Variants in TOPORS observed in about 807,000 individuals in gnomAD.
TOPORS encodes the protein TOP1 binding arginine/serine rich protein, E3 ubiquitin ligase, also known as E3 ubiquitin-protein ligase Topors.
A neutral mutation model predicts 81.4 loss-of-function variants in TOPORS; 25 were observed. The ratio of observed to expected loss-of-function variants is 0.31; its 90% CI spans 0.22 to 0.43. The LOEUF (loss-of-function observed/expected upper bound fraction) is 0.43. TOPORS is among the 20% of genes least tolerant of loss of function. TOPORS has a pLI of 1.00. For synonymous variants in TOPORS, 473 were observed against 456.6 expected (o/e 1.04, Z -0.46); for missense variants, 1,101 against 1,267.0 (o/e 0.87, Z 1.99).
Position 32,541,323 on chromosome 9 carries a change from A to G in TOPORS, c.*64T>C. ...ATGTCATCTTTAAATAGACTGCAGT[A>G]GACGACATTCTTCCTTTTTCCTTTT... On this transcript the variant is annotated 3_prime_UTR_variant, in exon 3 of 3. Transcript: ENST00000360538. The G allele has an allele frequency of 1.3e-6, 2 of 1,519,680 alleles. No individual in the cohort carries two copies. Among genetic ancestry groups the G allele is most frequent in the African/African-American group, 2.7e-5 (2 of 73,030 alleles). 94.1% of individuals were successfully genotyped at this position (1,519,680 alleles called of 1,614,324 possible).
At chr9:32,546,127 G>A (rs947244263) in intron 2 of TOPORS, among the ~76,000 whole-genome samples, 9 of 152,202 alleles carry the variant, frequency 5.9e-5, no homozygotes, top group African/African-American at 2.2e-4. Context: ...TCTATTTACT[G>A]GACTGAAAAT....
rs541968848 is a variant in TOPORS, at chr9:32,547,797, C to T, written c.198+2977G>A. On this transcript the variant is annotated intron_variant, in intron 2 of 2. Transcript: ENST00000360538. ...TACTAAAAAATCATTGACCTACAAA[C>T]TTTAAACGGGTGAACTTTATGGATG... Among the ~76,000 whole-genome samples the T allele has an allele frequency of 3.3e-5, 5 of 152,144 alleles. No individual in the cohort carries two copies. The East Asian group carries it at 7.7e-4, about 24-fold the overall frequency.
chr9:32,546,938 T>A lies in TOPORS; in HGVS notation c.199-2612A>T, dbSNP rs898937384. ...CTGTAGTCCCAGCTACTCAGGAGGC[T>A]GAGGCAGGAGGATTAACTGAGCCTG... On this transcript the variant is annotated intron_variant, in intron 2 of 2. Transcript: ENST00000360538. 4.7e-4 allele frequency among the ~76,000 whole-genome samples: 72 copies of A among 152,354 alleles called. 1 individual carries two copies. The highest frequency in any genetic ancestry group is 1.6e-3 in the African/African-American group (67 of 41,592).
At chr9:32,547,390 A>G (rs1821154182) in intron 2 of TOPORS, among the ~76,000 whole-genome samples, 1 of 152,254 alleles carries the variant, frequency 6.6e-6, no homozygotes, top group Non-Finnish European at 1.5e-5. Context: ...CCACACAAAA[A>G]AACTGTATAT....
intron 1 of TOPORS, 46 bp from the exon 2 acceptor site, chr9:32,551,014 C>T: frequency 1.3e-6 from 2 of 1,596,982 alleles, no homozygotes; most frequent in Non-Finnish European, 8.5e-7. Flanking sequence ...GGAAGCAGGG[C>T]AGAGAGCGAG....
rs144925867 is a variant in TOPORS at position 32,542,353 on chromosome 9, A to T, written c.2172T>A (p.Thr724=). 1.9e-6 allele frequency: 3 copies of T among 1,614,022 alleles called. No homozygotes were observed. In the African/African-American group the frequency reaches 4.0e-5, roughly 22 times the overall value. The change falls in exon 3 of 3, where the codon ACT becomes ACA. Residue 724 remains threonine (T), a synonymous_variant. Transcript: ENST00000360538. ...GTCTAGAATAATGAGCTCTGGACAG[A>T]GTCCTCCTCCTGTAAGATGATTCGT... The part of the protein sequence containing the change: ...DGYESSYRRR[T]LSRAHYSRQS...
At chr9:32,551,131 A>G (rs1042030915) in intron 1 of TOPORS, 163 bp from the exon 2 acceptor site, 7 of 841,808 alleles carry the variant, frequency 8.3e-6, no homozygotes, top group African/African-American at 1.7e-5. Flanking sequence ...ACCGGCCCAA[A>G]TGCGGCCCCT....
At chr9:32,552,004 C>CG (rs1360994173) in intron 1 of TOPORS, among the ~76,000 whole-genome samples, 2 of 143,924 alleles carry the variant, frequency 1.4e-5, no homozygotes, top group Non-Finnish European at 3.0e-5. Flanking sequence ...GGGGAGGGAG[C>CG]GGGGGAGAAA....
intron 2 of TOPORS, among the ~76,000 whole-genome samples, chr9:32,549,179 C>T (rs577577942): frequency 1.3e-5 from 2 of 152,178 alleles, no homozygotes; most frequent in East Asian, 3.9e-4. Context: ...TAGCGACGGG[C>T]GCCTGTAGTC....
At position 32,543,593 on chromosome 9, in the gene TOPORS, T is replaced by C. The variant is rs1218214808; in HGVS notation, c.932A>G (p.His311Arg). 1 of 1,611,960 alleles carries C rather than the reference T, an allele frequency of 6.2e-7. No individual in the cohort carries two copies. Among genetic ancestry groups the C allele is most frequent in the Non-Finnish European group, 8.5e-7 (1 of 1,178,944 alleles). ...CTGGACAATATTCACTAAAGATCCA[T>C]GAGCTCCAAAAAGAACTGTAAGTTC... The part of the protein sequence containing the change: ...KRELTVLFGA[H>R]GSLVNIVQHI... The change falls in exon 3 of 3, where the codon CAT becomes CGT. Residue 311 changes from histidine to arginine, a missense_variant. By Grantham distance (29) the His-to-Arg change is conservative (BLOSUM62 0). This residue lies in a region of TOPORS where 69 missense variants were observed against 153.6 expected (regional missense o/e 0.45). Transcript: ENST00000360538. This position sits in a 1 kb window ranked among gnomAD's most constrained non-coding sequence, Gnocchi z 5.6.
chr9:32,552,373 G>T, intron 1 of TOPORS, 61 bp downstream of exon 1: 1 of 1,599,040 alleles, frequency 6.3e-7, no homozygotes, highest in Middle Eastern at 1.7e-4. Context: ...CCACCGCCTG[G>T]GAGGTTACTG....
At chr9:32,546,154 T>TTCCA (rs1821138286) in intron 2 of TOPORS, among the ~76,000 whole-genome samples, 2 of 152,310 alleles carry the variant, frequency 1.3e-5, no homozygotes, top group South Asian at 4.1e-4. Flanking sequence ...ACATCATCAC[T>TTCCA]GTCCTGGAAG....
intron 2 of TOPORS, 45 bp from the exon 3 acceptor site, chr9:32,544,371 A>G: frequency 6.4e-7 from 1 of 1,571,208 alleles, no homozygotes; most frequent in East Asian, 2.2e-5. Flanking sequence ...TAATAGAGGA[A>G]TGACTAAATA....
At position 32,552,473 on chromosome 9, in the gene TOPORS, T is replaced by C. The variant is rs1239003455; in HGVS notation, c.-37A>G. 6.3e-7 allele frequency: 1 copy of C among 1,598,646 alleles called. No individual in the cohort carries two copies. Among genetic ancestry groups the C allele is most frequent in the East Asian group, 2.3e-5 (1 of 44,404 alleles). On this transcript the variant is annotated 5_prime_UTR_variant, in exon 1 of 3. Transcript: ENST00000360538. ...GTCGTCGCACGCTGGACTGGATTTA[T>C]TCAGTGGTAAGTCCCGGGGATCGCG...
rs372292364 is a variant in TOPORS, at chr9:32,542,410, A to G, written c.2115T>C (p.Thr705=). The change falls in exon 3 of 3, where the codon ACT becomes ACC. Residue 705 remains threonine (T), a synonymous_variant. Coordinates refer to ENST00000360538, the MANE Select transcript of TOPORS (RefSeq NM_005802.5). ...NYGSRYKWEY[T]YYSRNKDRDG... is the part of the protein sequence containing the mutation. Reference sequence around the variant, plus strand: ...CCCTGTCCTTGTTTCTACTGTAATAAGTATACTCCCATTTGTATCTGCTTC... The same window carrying G: ...CCCTGTCCTTGTTTCTACTGTAATAGGTATACTCCCATTTGTATCTGCTTC... 109 of 1,613,894 alleles carry G rather than the reference A, an allele frequency of 6.8e-5. No homozygotes were observed. In the African/African-American group the frequency reaches 1.2e-3, roughly 18 times the overall value.
chr9:32,542,474 C>A lies in TOPORS; in HGVS notation c.2051G>T (p.Ser684Ile), dbSNP rs1223142643. The A allele has an allele frequency of 6.2e-7, 1 of 1,613,640 alleles. No individual in the cohort carries two copies. Among genetic ancestry groups the A allele is most frequent in the African/African-American group, 1.3e-5 (1 of 74,912 alleles). The change falls in exon 3 of 3, where the codon AGC becomes ATC. Residue 684 changes from serine (S) to isoleucine (I), a missense_variant. Ser to Ile is a moderately radical substitution (Grantham distance 142). This residue lies in a region of TOPORS where 605 missense variants were observed against 636.1 expected (regional missense o/e 0.95). Transcript: ENST00000360538. ...SSDHGKRRSR[S>I]RNRDRYYLRN... Reference sequence around the variant, plus strand: ...TAAATAATAACGATCTCTATTTCTGCTCCGTGATCTTCTTTTACCATGATC... The same window carrying A: ...TAAATAATAACGATCTCTATTTCTGATCCGTGATCTTCTTTTACCATGATC...
chr9:32,551,885 G>A, intron 1 of TOPORS: 1 of 389,600 alleles, frequency 2.6e-6, no homozygotes, highest in Non-Finnish European at 5.4e-6. Flanking sequence ...ATTTACAGGG[G>A]TTCCCACAAC....
chr9:32,550,487 A>C (rs1821215734), intron 2 of TOPORS, among the ~76,000 whole-genome samples: 1 of 152,242 alleles, frequency 6.6e-6, no homozygotes, highest in Non-Finnish European at 1.5e-5. Flanking sequence ...GCCACGATTC[A>C]GTCTCATTGC....
chr9:32,545,746 CTCTG>C (rs1357272020), intron 2 of TOPORS, among the ~76,000 whole-genome samples: 1 of 152,104 alleles, frequency 6.6e-6, no homozygotes, highest in African/African-American at 2.4e-5. Context: ...AAGAGTGAAA[CTCTG>C]TCTCAAAACA....
Sources: allele counts gnomAD v4.1 joint callset (sites outside exome capture counted in the v4.1 genomes callset), GRCh38; gene constraint gnomAD v4.1.1; regional missense constraint gnomAD v4.1.1; non-coding constraint Gnocchi (gnomAD v3.1); transcripts MANE v1.5; gene names NCBI Gene and HGNC (gene_info 2026-07-23, HGNC 2026-07-21).